Variants in DNAJC5B observed in about 807,000 individuals in gnomAD.
The protein encoded by DNAJC5B is dnaJ homolog subfamily C member 5B.
A neutral mutation model predicts 24.7 loss-of-function variants in DNAJC5B; 23 were observed. That is an observed-to-expected ratio of 0.93 (90% CI 0.67 to 1.32). The LOEUF is 1.32. Among genes scored for constraint, DNAJC5B ranks in the 40% most tolerant of loss-of-function variants. DNAJC5B has a pLI of 0.00. For synonymous variants in DNAJC5B, 101 were observed against 90.1 expected (o/e 1.12, Z -0.68); for missense variants, 238 against 240.8 (o/e 0.99, Z 0.08).
chr8:66,098,592 CTT>C (rs369601752), intron 5 of DNAJC5B, among the ~76,000 whole-genome samples: 1 of 149,630 alleles, frequency 6.7e-6, no homozygotes, highest in African/African-American at 2.5e-5. Flanking sequence ...TATTGTCTCT[CTT>C]TTTTTTTTCT....
intron 3 of DNAJC5B, among the ~76,000 whole-genome samples, chr8:66,064,402 C>T (rs1400942104): frequency 6.6e-6 from 1 of 152,144 alleles, no homozygotes; most frequent in African/African-American, 2.4e-5. Flanking sequence ...CTAGAGAGAG[C>T]AAGTGCTTGC....
At chr8:66,057,531 A>C (rs1156507062) in intron 3 of DNAJC5B, 1 of 152,256 alleles carries the variant, frequency 6.6e-6, no homozygotes, top group African/African-American at 2.4e-5. Context: ...TAATGGCTGG[A>C]AATTCCCCAC....
chr8:66,099,236 C>T (rs13266516), intron 5 of DNAJC5B, among the ~76,000 whole-genome samples: 54,509 of 151,832 alleles, frequency 0.36, 13,765 homozygotes, highest in African/African-American at 0.71. Context: ...TGAGGTTTCT[C>T]AGAACACAGA....
chr8:66,040,439 G>A (rs1806583863), intron 1 of DNAJC5B, among the ~76,000 whole-genome samples: 1 of 151,812 alleles, frequency 6.6e-6, no homozygotes, highest in South Asian at 2.1e-4. Flanking sequence ...AATGTTTTTG[G>A]ATACTCATTC....
chr8:66,100,966 T>G lies in DNAJC5B; in HGVS notation c.*935T>G, dbSNP rs1469448525. ...GTCATCTCTGCATTTGCTTGTTTGA[T>G]TCTTGTATTTATTATGTGGTAGAAA... On this transcript the variant is annotated 3_prime_UTR_variant, in exon 6 of 6. Transcript: ENST00000276570. Among the ~76,000 whole-genome samples the G allele has an allele frequency of 6.6e-6, 1 of 152,210 alleles. No homozygotes were observed. Among genetic ancestry groups the G allele is most frequent in the Non-Finnish European group, 1.5e-5 (1 of 68,040 alleles).
intron 4 of DNAJC5B, 41 bp downstream of exon 4, chr8:66,076,914 C>G: frequency 6.3e-7 from 1 of 1,598,690 alleles, no homozygotes; most frequent in Non-Finnish European, 8.6e-7. Context: ...CCTGTAAGAC[C>G]ATGATATTAA....
intron 1 of DNAJC5B, among the ~76,000 whole-genome samples, chr8:66,040,591 G>T (rs1195025893): frequency 1.3e-5 from 2 of 152,142 alleles, no homozygotes; most frequent in Non-Finnish European, 2.9e-5. Context: ...TACTTGACTG[G>T]AGAGCTGTCG....
chr8:66,036,494 G>A (rs532987290), intron 1 of DNAJC5B, among the ~76,000 whole-genome samples: 5 of 152,238 alleles, frequency 3.3e-5, no homozygotes, highest in Non-Finnish European at 2.9e-5. Flanking sequence ...CCAAGAGGGC[G>A]GCGTCCTCTC....
At chr8:66,021,158 T>C (rs1806111777), upstream of DNAJC5B, among the ~76,000 whole-genome samples, 1 of 152,126 alleles carries the variant, frequency 6.6e-6, no homozygotes. Flanking sequence ...ATAATGTACA[T>C]TATCCAAATG....
At chr8:66,088,289 A>G (rs1807772837) in intron 5 of DNAJC5B, among the ~76,000 whole-genome samples, 1 of 152,166 alleles carries the variant, frequency 6.6e-6, no homozygotes, top group African/African-American at 2.4e-5. Flanking sequence ...CAAGTCTTGA[A>G]GCTGCACAGA....
At chr8:66,086,133 G>A (rs1807719444) in intron 5 of DNAJC5B, among the ~76,000 whole-genome samples, 1 of 152,058 alleles carries the variant, frequency 6.6e-6, no homozygotes. Context: ...TATTGCCTTT[G>A]TATCCCATGT....
At chr8:66,078,148 A>G (rs1258493039) in intron 4 of DNAJC5B, among the ~76,000 whole-genome samples, 1 of 152,204 alleles carries the variant, frequency 6.6e-6, no homozygotes, top group Non-Finnish European at 1.5e-5. Flanking sequence ...CTGCATAAAA[A>G]TGAGAATAAA....
At chr8:66,016,764 T>C (rs1329700256), upstream of DNAJC5B, among the ~76,000 whole-genome samples, 1 of 152,108 alleles carries the variant, frequency 6.6e-6, no homozygotes, top group Non-Finnish European at 1.5e-5. Flanking sequence ...TTGTGACTAT[T>C]TGGGGGTAAA....
At chr8:66,032,712 G>A (rs903387797) in intron 1 of DNAJC5B, among the ~76,000 whole-genome samples, 5 of 152,216 alleles carry the variant, frequency 3.3e-5, no homozygotes, top group African/African-American at 4.8e-5. Context: ...CCGCAGGTGC[G>A]TGCTGCCTGC....
chr8:66,026,130 G>A (rs1267839684), intron 1 of DNAJC5B, among the ~76,000 whole-genome samples: 6 of 137,926 alleles, frequency 4.4e-5, no homozygotes, highest in Non-Finnish European at 1.5e-5. Context: ...CCTTGAAGAG[G>A]TCCTTCACAT....
intron 3 of DNAJC5B, 80 bp from the exon 4 acceptor site, chr8:66,076,580 A>C: frequency 6.9e-7 from 1 of 1,449,858 alleles, no homozygotes; most frequent in South Asian, 1.2e-5. Flanking sequence ...GAATATACAA[A>C]TGAACAGTGC....
At chr8:66,064,548 ATTGCT>A (rs1392354415) in intron 3 of DNAJC5B, among the ~76,000 whole-genome samples, 1 of 152,168 alleles carries the variant, frequency 6.6e-6, no homozygotes, top group African/African-American at 2.4e-5. Flanking sequence ...TTCAGTAGAG[ATTGCT>A]GGCCTGAAGA....
At chr8:66,081,461 C>T (rs1807594774) in intron 5 of DNAJC5B, among the ~76,000 whole-genome samples, 1 of 152,106 alleles carries the variant, frequency 6.6e-6, no homozygotes, top group African/African-American at 2.4e-5. Context: ...CAGACAGTGG[C>T]CCATTTTTGT....
intron 1 of DNAJC5B, among the ~76,000 whole-genome samples, chr8:66,041,066 A>G (rs1426877172): frequency 2.0e-5 from 3 of 152,150 alleles, no homozygotes; most frequent in African/African-American, 7.2e-5. Context: ...TATACAATCA[A>G]AGCAACCACC....
Sources: gnomAD v4.1 joint callset for allele counts (sites outside exome capture counted in the v4.1 genomes callset) on GRCh38, gnomAD v4.1.1 for gene constraint, MANE v1.5 for transcripts, NCBI Gene and HGNC (gene_info 2026-07-23, HGNC 2026-07-21) for gene names.